SOX5: variants seen among roughly 807,000 people sequenced by gnomAD.
SOX5 encodes the protein transcription factor SOX-5.
In SOX5, 9 loss-of-function variants were observed where a neutral mutation model predicts 92.0. The observed-to-expected ratio is 0.10, with a 90% CI of 0.06 to 0.17. SOX5 has a LOEUF of 0.17. SOX5 is among the 10% of genes least tolerant of loss of function. SOX5 has a pLI of 1.00. For missense variants in SOX5, 642 were observed against 944.5 expected, an observed-to-expected ratio of 0.68 and a Z score of 4.20; for synonymous variants, 344 against 336.3, an observed-to-expected ratio of 1.02 and a Z score of -0.25.
At chr12:24,071,162 T>C (rs974099618) in intron 4 of SOX5, among the ~76,000 whole-genome samples, 1 of 152,228 alleles carries the variant, frequency 6.6e-6, no homozygotes, top group Admixed American at 6.5e-5. Flanking sequence ...AATAATTAGT[T>C]ATGCTATATT....
chr12:24,269,688 C>CTTTTTT (rs58098308), intron 3 of SOX5, among the ~76,000 whole-genome samples: 3 of 116,722 alleles, frequency 2.6e-5, no homozygotes, highest in Non-Finnish European at 3.4e-5. Flanking sequence ...TATTTTTATT[C>CTTTTTT]TTTTTTTTTT....
intron 2 of SOX5, among the ~76,000 whole-genome samples, chr12:23,891,111 T>C (rs765078933): frequency 6.6e-6 from 1 of 152,236 alleles, no homozygotes; most frequent in Non-Finnish European, 1.5e-5. Context: ...TGTATATGTA[T>C]ATAGTGTGCT....
At position 24,441,080 on chromosome 12, in the gene SOX5, G is replaced by A. The variant is rs79861354; in HGVS notation, c.-250-72441C>T. 4.5e-3 allele frequency among the ~76,000 whole-genome samples: 681 copies of A among 152,260 alleles called. 4 individuals carry two copies. The highest frequency in any genetic ancestry group is 7.7e-3 in the Non-Finnish European group (521 of 68,036). ...CACATTCACTTTTATCCACTGGAAC[G>A]GCTGCATTGAACACCCAGGATTTGT... On this transcript the variant is annotated intron_variant, in intron 1 of 4. Coordinates refer to the SOX5 transcript ENST00000446891.
intron 11 of SOX5, among the ~76,000 whole-genome samples, chr12:23,560,184 C>T (rs2136300031): frequency 6.6e-6 from 1 of 152,330 alleles, no homozygotes; most frequent in South Asian, 2.1e-4. Flanking sequence ...GCTGGGATTA[C>T]AGGCGTTTGA....
Position 24,092,725 on chromosome 12 carries a change from C to G in SOX5, c.-2+120618G>C, listed in dbSNP as rs537586334. Among the ~76,000 whole-genome samples, 6 of 152,294 alleles carry G rather than the reference C, an allele frequency of 3.9e-5. No homozygotes were observed. In the South Asian group the frequency reaches 1.0e-3, roughly 26 times the overall value. ...TGTGTAAAAACATCTGTAATATGGACAAAAATGTCCACAAATTCCTTTCAT... is the reference window on the plus strand; with the variant it reads ...TGTGTAAAAACATCTGTAATATGGAGAAAAATGTCCACAAATTCCTTTCAT... On this transcript the variant is annotated intron_variant, in intron 4 of 4. Transcript: ENST00000446891.
intron 4 of SOX5, among the ~76,000 whole-genome samples, chr12:24,102,259 T>C (rs1291103683): frequency 6.6e-6 from 1 of 152,158 alleles, no homozygotes; most frequent in Non-Finnish European, 1.5e-5. Flanking sequence ...GAAAAAGTGA[T>C]GGCAGTGGGA....
intron 2 of SOX5, among the ~76,000 whole-genome samples, chr12:24,330,705 G>C (rs1951207031): frequency 6.6e-6 from 1 of 152,194 alleles, no homozygotes; most frequent in Non-Finnish European, 1.5e-5. Context: ...TGGTAGACAT[G>C]ACAAGCATAT....
intron 3 of SOX5, among the ~76,000 whole-genome samples, chr12:23,798,277 T>C (rs1406725764): frequency 6.6e-6 from 1 of 152,012 alleles, no homozygotes; most frequent in Non-Finnish European, 1.5e-5. Flanking sequence ...ATTCACTGAA[T>C]TGAATTGTAT....
chr12:23,608,940 G>T (rs1048845949), intron 8 of SOX5, among the ~76,000 whole-genome samples: 1 of 152,144 alleles, frequency 6.6e-6, no homozygotes, highest in Non-Finnish European at 1.5e-5. Context: ...CTTAAGTCAA[G>T]ACTGATAAAC....
At chr12:24,554,769 T>A (rs1953597665) in intron 1 of SOX5, among the ~76,000 whole-genome samples, 1 of 152,202 alleles carries the variant, frequency 6.6e-6, no homozygotes, top group African/African-American at 2.4e-5. Flanking sequence ...CCAGTCTGAC[T>A]GAGTCTAAAT....
intron 4 of SOX5, among the ~76,000 whole-genome samples, chr12:24,148,090 G>C (rs1171577747): frequency 6.6e-6 from 1 of 152,110 alleles, no homozygotes; most frequent in Admixed American, 6.6e-5. Flanking sequence ...CAAAAGCCCT[G>C]GAGTAGCCAT....
chr12:24,117,193 C>T (rs1948105187), intron 4 of SOX5, among the ~76,000 whole-genome samples: 1 of 151,900 alleles, frequency 6.6e-6, no homozygotes, highest in African/African-American at 2.4e-5. Flanking sequence ...TATGAATGGC[C>T]AATAGACATG....
At chr12:23,555,352 A>G (rs544795545) in intron 11 of SOX5, among the ~76,000 whole-genome samples, 2 of 152,148 alleles carry the variant, frequency 1.3e-5, no homozygotes, top group East Asian at 1.9e-4. Context: ...GGCATGCCCT[A>G]TGAGTCTCAT....
At chr12:23,943,740 T>C (rs1944076030) in intron 1 of SOX5, among the ~76,000 whole-genome samples, 1 of 152,124 alleles carries the variant, frequency 6.6e-6, no homozygotes, top group Non-Finnish European at 1.5e-5. Context: ...GAGTTCAGGT[T>C]TGAATTGATT....
At chr12:24,098,719 A>ACT (rs772508536) in intron 4 of SOX5, among the ~76,000 whole-genome samples, 2 of 151,788 alleles carry the variant, frequency 1.3e-5, no homozygotes, top group Non-Finnish European at 2.9e-5. Context: ...GCTTCTCCAG[A>ACT]CTCTCTCTCT....
intron 4 of SOX5, among the ~76,000 whole-genome samples, chr12:24,014,218 A>C (rs1409664849): frequency 2.0e-5 from 3 of 152,324 alleles, no homozygotes; most frequent in Middle Eastern, 3.4e-3. Flanking sequence ...CTATGACTGG[A>C]AAGCTCAGAT....
chr12:23,910,882 T>C (rs1374143212), intron 1 of SOX5, among the ~76,000 whole-genome samples: 1 of 152,118 alleles, frequency 6.6e-6, no homozygotes, highest in Non-Finnish European at 1.5e-5. Flanking sequence ...CAGAGTAAAC[T>C]ATTATCTATA....
intron 3 of SOX5, among the ~76,000 whole-genome samples, chr12:24,275,612 A>C (rs1423287013): frequency 6.6e-6 from 1 of 152,178 alleles, no homozygotes; most frequent in Non-Finnish European, 1.5e-5. Context: ...AAATCTATCT[A>C]AAATCTTCCA....
At chr12:24,238,718 T>G (rs1045258113) in intron 3 of SOX5, among the ~76,000 whole-genome samples, 7 of 152,126 alleles carry the variant, frequency 4.6e-5, no homozygotes, top group Non-Finnish European at 7.3e-5. Flanking sequence ...CTGCCTGGGC[T>G]CTCAATTTCT....
Sources: allele counts gnomAD v4.1 joint callset (sites outside exome capture counted in the v4.1 genomes callset), GRCh38; gene constraint gnomAD v4.1.1; transcripts MANE v1.5; gene names NCBI Gene and HGNC (gene_info 2026-07-23, HGNC 2026-07-21).